Variants in TMEM163 observed in about 807,000 individuals in gnomAD.
The protein encoded by TMEM163 is transmembrane protein 163.
A neutral mutation model predicts 29.3 loss-of-function variants in TMEM163; 17 were observed. The observed-to-expected ratio is 0.58, with a 90% CI of 0.40 to 0.87. The LOEUF (loss-of-function observed/expected upper bound fraction) is 0.87. TMEM163 is among the 40% of genes least tolerant of loss of function. TMEM163 has a pLI of 0.00. For missense variants in TMEM163, 303 were observed against 381.5 expected, an observed-to-expected ratio of 0.79 and a Z score of 1.71; for synonymous variants, 157 against 160.6, an observed-to-expected ratio of 0.98 and a Z score of 0.17.
At chr2:134,511,153 C>CGGG (rs10639023) in intron 4 of TMEM163, among the ~76,000 whole-genome samples, 7,778 of 121,758 alleles carry the variant, frequency 0.064, 758 homozygotes, top group African/African-American at 0.18. Flanking sequence ...GAGAACAAGG[C>CGGG]GGGGGGGGGT....
intron 4 of TMEM163, among the ~76,000 whole-genome samples, chr2:134,519,319 C>T (rs1005667516): frequency 3.8e-4 from 58 of 152,192 alleles, no homozygotes; most frequent in African/African-American, 1.4e-3. Context: ...CCTTCTACAG[C>T]TCCATACGAG....
At chr2:134,646,207 C>T (rs988418688) in intron 2 of TMEM163, among the ~76,000 whole-genome samples, 2 of 151,946 alleles carry the variant, frequency 1.3e-5, no homozygotes, top group African/African-American at 4.8e-5. Flanking sequence ...GCCTCAGCCT[C>T]CCAAGTAGCT....
At chr2:134,545,083 T>C (rs570191406) in intron 4 of TMEM163, among the ~76,000 whole-genome samples, 33 of 152,256 alleles carry the variant, frequency 2.2e-4, no homozygotes, top group African/African-American at 7.7e-4. Context: ...TTAAAACAAA[T>C]GAGAAAAAAC....
chr2:134,547,656 C>T (rs899853681), intron 4 of TMEM163, among the ~76,000 whole-genome samples: 1 of 152,086 alleles, frequency 6.6e-6, no homozygotes, highest in Non-Finnish European at 1.5e-5. Flanking sequence ...AACTTTAAAC[C>T]AAAGCCAACA....
At chr2:134,552,167 C>A (rs747322976) in intron 2 of TMEM163, 76 bp from the exon 3 acceptor site, 321 of 1,158,312 alleles carry the variant, frequency 2.8e-4, no homozygotes, top group Non-Finnish European at 3.9e-4. Flanking sequence ...CATTACATGG[C>A]CTTTTAAACA....
intron 2 of TMEM163, among the ~76,000 whole-genome samples, chr2:134,587,596 C>G (rs1287744447): frequency 6.6e-6 from 1 of 152,158 alleles, no homozygotes; most frequent in African/African-American, 2.4e-5. Context: ...TTCAATCACA[C>G]AGTCAGGGCA....
intron 2 of TMEM163, among the ~76,000 whole-genome samples, chr2:134,597,263 C>A (rs1682108488): frequency 6.6e-6 from 1 of 152,158 alleles, no homozygotes; most frequent in Non-Finnish European, 1.5e-5. Flanking sequence ...TCATAGATAG[C>A]TCTTATTATT....
intron 2 of TMEM163, among the ~76,000 whole-genome samples, chr2:134,623,824 A>C (rs1469896849): frequency 5.3e-5 from 8 of 152,210 alleles, no homozygotes; most frequent in Non-Finnish European, 8.8e-5. Context: ...CAAATCTTAG[A>C]AGTTCAGTTA....
intron 2 of TMEM163, among the ~76,000 whole-genome samples, chr2:134,590,947 G>C (rs915416399): frequency 2.0e-5 from 3 of 152,168 alleles, no homozygotes; most frequent in Non-Finnish European, 4.4e-5. Flanking sequence ...GATAAGAAAG[G>C]CTACACAGGT....
chr2:134,604,625 A>C (rs1175327199), intron 2 of TMEM163, among the ~76,000 whole-genome samples: 2 of 152,158 alleles, frequency 1.3e-5, no homozygotes, highest in East Asian at 3.8e-4. Flanking sequence ...CCTACAAGGC[A>C]GCAGTCATTG....
At chr2:134,575,059 A>C (rs1681520462) in intron 2 of TMEM163, among the ~76,000 whole-genome samples, 1 of 150,768 alleles carries the variant, frequency 6.6e-6, no homozygotes, top group Non-Finnish European at 1.5e-5. Context: ...GGGTGGGGGA[A>C]GGGGACCATG....
intron 2 of TMEM163, among the ~76,000 whole-genome samples, chr2:134,711,569 C>T (rs1282384842): frequency 1.3e-5 from 2 of 152,150 alleles, no homozygotes; most frequent in African/African-American, 4.8e-5. Flanking sequence ...GAAAGAGAAG[C>T]CCTTTTCACA....
intron 4 of TMEM163, among the ~76,000 whole-genome samples, chr2:134,519,023 T>C (rs1433683867): frequency 6.6e-6 from 1 of 152,154 alleles, no homozygotes; most frequent in Non-Finnish European, 1.5e-5. Flanking sequence ...TTCAACATTC[T>C]CCTGGCTTTG....
chr2:134,596,928 G>T (rs1682099009), intron 2 of TMEM163, among the ~76,000 whole-genome samples: 1 of 152,214 alleles, frequency 6.6e-6, no homozygotes, highest in Admixed American at 6.5e-5. Context: ...TGCTATTGGT[G>T]TATAAGAATA....
intron 6 of TMEM163, among the ~76,000 whole-genome samples, chr2:134,459,653 C>T (rs1228754826): frequency 1.3e-5 from 2 of 152,014 alleles, no homozygotes; most frequent in African/African-American, 4.8e-5. Flanking sequence ...CCTCCTCCCC[C>T]AGCCCTTCCC....
intron 2 of TMEM163, among the ~76,000 whole-genome samples, chr2:134,633,835 G>C (rs1000309804): frequency 6.6e-6 from 1 of 151,210 alleles, no homozygotes; most frequent in Admixed American, 6.6e-5. Flanking sequence ...GGTGGTGTGC[G>C]CCTGCAATCC....
intron 4 of TMEM163, among the ~76,000 whole-genome samples, chr2:134,529,150 G>A (rs919493460): frequency 2.0e-5 from 3 of 152,014 alleles, no homozygotes; most frequent in African/African-American, 7.3e-5. Context: ...GGCCAACATG[G>A]TGAAACCCCG....
intron 4 of TMEM163, among the ~76,000 whole-genome samples, chr2:134,540,228 T>C (rs1268096724): frequency 2.0e-5 from 3 of 152,224 alleles, no homozygotes; most frequent in Non-Finnish European, 4.4e-5. Context: ...GACTCCTTGA[T>C]GGCAAAGCCA....
intron 4 of TMEM163, among the ~76,000 whole-genome samples, chr2:134,516,780 C>CATATATATATGCATATATATGAATATAT (rs6146922): frequency 3.3e-4 from 46 of 139,452 alleles, no homozygotes; most frequent in South Asian, 1.2e-3. Flanking sequence ...CATATCTATT[C>CATATATATATGCATATATATGAATATAT]ATATATATAT....
Sources: gnomAD v4.1 joint callset for allele counts (sites outside exome capture counted in the v4.1 genomes callset) on GRCh38, gnomAD v4.1.1 for gene constraint, MANE v1.5 for transcripts, NCBI Gene and HGNC (gene_info 2026-07-23, HGNC 2026-07-21) for gene names.